FBXW5: variants seen among roughly 807,000 people sequenced by gnomAD.
FBXW5 encodes F-box and WD repeat domain containing 5, also known as F-box/WD repeat-containing protein 5.
A neutral mutation model predicts 50.9 loss-of-function variants in FBXW5; 74 were observed. The observed-to-expected ratio is 1.45, with a 90% CI of 1.20 to 1.76. FBXW5 has a LOEUF of 1.76. FBXW5 is among the 40% of genes most tolerant of loss of function. The pLI is 0.00. For synonymous variants in FBXW5, 523 were observed against 362.2 expected, an observed-to-expected ratio of 1.44 and a Z score of -5.04; for missense variants, 1,073 against 818.8, an observed-to-expected ratio of 1.31 and a Z score of -3.79.
At position 136,940,991 on chromosome 9, in the gene FBXW5, G is replaced by A; in HGVS notation, c.1638C>T (p.Val546=). 1 of 1,557,538 alleles carries A rather than the reference G, an allele frequency of 6.4e-7. No individual in the cohort carries two copies. The highest frequency in any genetic ancestry group is 8.7e-7 in the Non-Finnish European group (1 of 1,150,716). The change falls in exon 9 of 9, where the codon GTC becomes GTT. Residue 546 remains valine, a synonymous_variant. Coordinates refer to ENST00000325285, the MANE Select transcript of FBXW5 (RefSeq NM_018998.4). ...KAWRSPRTMR[V]LQAPRPRPRT... is the part of the protein sequence containing the mutation. ...GAGGCCGTGGGCGAGGTGCCTGGAG[G>A]ACGCGCATGGTGCGTGGGGAGCGCC...
rs1850814569 is a variant in FBXW5 at position 136,942,397 on chromosome 9, CGGTGCT to C, written c.739_744del (p.Ser247_Thr248del). 1.2e-6 allele frequency: 2 copies of C among 1,610,968 alleles called. No individual in the cohort carries two copies. Among genetic ancestry groups the C allele is most frequent in the African/African-American group, 2.7e-5 (2 of 74,898 alleles). On this transcript the variant is annotated inframe_deletion, in exon 6 of 9. Transcript: ENST00000325285. Reference sequence around the variant, plus strand: ...CAGTCGGCCACCATCACCGTGCGGACGGTGCTGGCATTGAGGTTCTGGATCTTGAAC... The same window carrying C: ...CAGTCGGCCACCATCACCGTGCGGACGGCATTGAGGTTCTGGATCTTGAAC...
At chr9:136,941,942 C>G in intron 6 of FBXW5, 104 bp downstream of exon 6, 1 of 1,454,996 alleles carries the variant, frequency 6.9e-7, no homozygotes, top group South Asian at 1.4e-5. Context: ...TGAACGATCC[C>G]AGCTTTGCCT....
Position 136,942,252 on chromosome 9 carries a change from T to TGGGCGG in FBXW5, c.884_889dup (p.Pro295_Ala296dup). 1.9e-6 allele frequency: 3 copies of TGGGCGG among 1,583,420 alleles called. No homozygotes were observed. The highest frequency in any genetic ancestry group is 2.6e-6 in the Non-Finnish European group (3 of 1,166,022). On this transcript the variant is annotated inframe_insertion, in exon 6 of 9. Coordinates refer to ENST00000325285, the MANE Select transcript of FBXW5 (RefSeq NM_018998.4). The stretch of plus-strand genomic sequence containing the variant: ...AAAGTGCCGCAAGCCCTCCTTGGCG[T>TGGGCGG]GGGCGGGGGCCGGGCCAGCCACCAC...
In FBXW5 at chr9:136,941,014, G is replaced by A. The variant is rs368494470; in HGVS notation, c.1615C>T (p.Arg539Cys). The A allele has an allele frequency of 8.4e-6, 13 of 1,553,252 alleles. No individual in the cohort carries two copies. In the Admixed American group the frequency reaches 9.7e-5, roughly 12 times the overall value. Residue 539 changes from arginine (R) to cysteine (C), a missense_variant, in exon 9 of 9, where the codon CGC (arginine) becomes TGC (cysteine). Transcript: ENST00000325285. ...ASDDATIKAW[R>C]SPRTMRVLQA... The stretch of plus-strand genomic sequence containing the variant: ...AGGACGCGCATGGTGCGTGGGGAGC[G>A]CCAGGCTTTGATGGTGGCGTCGTCG...
In FBXW5 at chr9:136,942,878, G is replaced by C. The variant is rs771494126; in HGVS notation, c.417C>G (p.Ser139Arg). Residue 139 changes from serine (S) to arginine (R), a missense_variant, in exon 4 of 9, where the codon AGC becomes AGG. Transcript: ENST00000325285. Reference sequence around the variant, plus strand: ...TGTTGAACTGGGAGAACTGGGTGTAGCTCCAGTTGTAGGGCCGCATGTCCG... The same window carrying C: ...TGTTGAACTGGGAGAACTGGGTGTACCTCCAGTTGTAGGGCCGCATGTCCG... ...HSADMRPYNW[S>R]YTQFSQFNKD... The C allele has an allele frequency of 6.2e-7, 1 of 1,613,462 alleles. No homozygotes were observed. Among genetic ancestry groups the C allele is most frequent in the Non-Finnish European group, 8.5e-7 (1 of 1,179,908 alleles).
At position 136,940,778 on chromosome 9, in the gene FBXW5, G is replaced by GTT; in HGVS notation, c.*148_*149dup. ...CCAAGCATCACAGCTGCGTGAGCAG[G>GTT]TTTGTGTGTGAGCGTGTGGCGGGGC... On this transcript the variant is annotated 3_prime_UTR_variant, in exon 9 of 9. Coordinates refer to ENST00000325285, the MANE Select transcript of FBXW5 (RefSeq NM_018998.4). 1.6e-6 allele frequency: 2 copies of GTT among 1,250,364 alleles called. No homozygotes were observed. The highest frequency in any genetic ancestry group is 2.2e-6 in the Non-Finnish European group (2 of 922,928). The allele number at this position is 1,250,364 out of a possible 1,614,324, so 77.5% of individuals were successfully genotyped here.
chr9:136,943,849 C>T lies in FBXW5; in HGVS notation c.193+42G>A. ...ACCCCCAAGCGCAGGGGCCCGGGGC[C>T]CTGGCTGCAGAACGTGGGTAGGGGC... On this transcript the variant is annotated intron_variant, in intron 2 of 8. Transcript: ENST00000325285. 3.2e-6 allele frequency: 5 copies of T among 1,542,694 alleles called. No individual in the cohort carries two copies. In the South Asian group the frequency reaches 6.0e-5, roughly 18 times the overall value.
In FBXW5 at chr9:136,943,499, C is replaced by T. The variant is rs1182270396; in HGVS notation, c.201G>A (p.Met67Ile). ...GCCGCTGGAACTCCTCGTACCAGGA[C>T]ATGGCCGCTGCGGGTGGGCAGTTGT... is the stretch of plus-strand genomic sequence containing the variant. ...ARDVPRHPAA[M>I]SWYEEFQRLY... Residue 67 changes from methionine to isoleucine, a missense_variant, in exon 3 of 9, where the codon ATG (methionine) becomes ATA (isoleucine). Met to Ile is a conservative substitution (Grantham distance 10). Coordinates refer to ENST00000325285, the MANE Select transcript of FBXW5 (RefSeq NM_018998.4). The T allele has an allele frequency of 5.0e-6, 8 of 1,608,744 alleles. No individual in the cohort carries two copies. The highest frequency in any genetic ancestry group is 2.2e-5 in the East Asian group (1 of 44,750).
Position 136,944,737 on chromosome 9 carries a change from A to C in FBXW5, c.-167T>G. On this transcript the variant is annotated 5_prime_UTR_variant, in exon 1 of 9. Coordinates refer to ENST00000325285, the MANE Select transcript of FBXW5 (RefSeq NM_018998.4). ...ACGAGCCCCGAGGCATCGATGGCCG[A>C]GGAAGGCAGAGCGCGCGGGTAGCCC... is the stretch of plus-strand genomic sequence containing the variant. The C allele has an allele frequency of 1.0e-6, 1 of 985,512 alleles. No homozygotes were observed. Among genetic ancestry groups the C allele is most frequent in the Non-Finnish European group, 1.2e-6 (1 of 829,908 alleles). 61.0% of individuals were successfully genotyped at this position (985,512 alleles called of 1,614,324 possible).
At position 136,942,960 on chromosome 9, in the gene FBXW5, G is replaced by C. The variant is rs1850854072; in HGVS notation, c.352-17C>G. ...GCTCCAGATCTGTTCGGCAGGGGCG[G>C]CTGTAGTGATCGCCTGGCCAGGTCG... On this transcript the variant is annotated splice_polypyrimidine_tract_variant and intron_variant, in intron 3 of 8. Transcript: ENST00000325285. 1.2e-6 allele frequency: 2 copies of C among 1,612,498 alleles called. No individual in the cohort carries two copies. The highest frequency in any genetic ancestry group is 1.3e-5 in the African/African-American group (1 of 74,902).
At chr9:136,943,315 G>GGGT (rs768895125) in intron 3 of FBXW5, 34 bp downstream of exon 3, 7 of 1,602,900 alleles carry the variant, frequency 4.4e-6, no homozygotes, top group Non-Finnish European at 6.0e-6. Context: ...CGGCAGAGCT[G>GGGT]GGTGGGGTGT....
At chr9:136,943,244 A>AT in intron 3 of FBXW5, 105 bp downstream of exon 3, 1 of 727,608 alleles carries the variant, frequency 1.4e-6, no homozygotes, top group Non-Finnish European at 2.1e-6. Context: ...CTCTGGCCTG[A>AT]CCCACCCCCC....
chr9:136,942,384 A>G lies in FBXW5; in HGVS notation c.758T>C (p.Met253Thr). ...NLNASTVRTVMVADCSRFDSP... is the reference protein window; with the variant it reads ...NLNASTVRTVTVADCSRFDSP... ...GTCGAAGCGGCTGCAGTCGGCCACCATCACCGTGCGGACGGTGCTGGCATT... is the reference window on the plus strand; with the variant it reads ...GTCGAAGCGGCTGCAGTCGGCCACCGTCACCGTGCGGACGGTGCTGGCATT... The change falls in exon 6 of 9, where the codon ATG becomes ACG. Residue 253 changes from methionine to threonine, a missense_variant. Physicochemically the swap from Met to Thr is moderately conservative, Grantham distance 81. Coordinates refer to ENST00000325285, the MANE Select transcript of FBXW5 (RefSeq NM_018998.4). The G allele has an allele frequency of 1.2e-6, 2 of 1,611,690 alleles. No homozygotes were observed. The highest frequency in any genetic ancestry group is 1.1e-5 in the South Asian group (1 of 91,024).
rs1369265749 is a variant in FBXW5 at position 136,944,617 on chromosome 9, C to T, written c.-47G>A. ...ACCACGGCCGCCTCCGCCCGCTGCG[C>T]CGCCCCCGCCCTGCGCGACCCGGAC... On this transcript the variant is annotated 5_prime_UTR_variant, in exon 1 of 9. Coordinates refer to ENST00000325285, the MANE Select transcript of FBXW5 (RefSeq NM_018998.4). The T allele has an allele frequency of 1.3e-4, 132 of 984,346 alleles. No individual in the cohort carries two copies. The highest frequency in any genetic ancestry group is 1.5e-4 in the Non-Finnish European group (128 of 829,196). 61.0% of individuals were successfully genotyped at this position (984,346 alleles called of 1,614,324 possible). A position where few individuals can be genotyped will look rare whatever the true frequency, so the allele number is the denominator to read the frequency against.
chr9:136,943,553 T>C (rs754555466), intron 2 of FBXW5, 47 bp from the exon 3 acceptor site: 1 of 1,570,490 alleles, frequency 6.4e-7, no homozygotes, highest in Non-Finnish European at 8.7e-7. Context: ...TTCCTCGCAG[T>C]CACGGCCATG....
At chr9:136,944,355 C>T (rs1261522068) in intron 1 of FBXW5, 2 of 617,548 alleles carry the variant, frequency 3.2e-6, no homozygotes, top group Non-Finnish European at 4.3e-6. Flanking sequence ...CGCCAGGGCC[C>T]GGACCGCCGC....
chr9:136,944,595 A>G lies in FBXW5; in HGVS notation c.-25T>C. ...CCCGAGGGCCGCAGGCGCACTCACC[A>G]CGGCCGCCTCCGCCCGCTGCGCCGC... On this transcript the variant is annotated splice_region_variant and 5_prime_UTR_variant, in exon 1 of 9. Coordinates refer to ENST00000325285, the MANE Select transcript of FBXW5 (RefSeq NM_018998.4). 2 of 984,034 alleles carry G rather than the reference A, an allele frequency of 2.0e-6. No individual in the cohort carries two copies. Among genetic ancestry groups the G allele is most frequent in the Non-Finnish European group, 1.2e-6 (1 of 829,186 alleles). 61.0% of individuals were successfully genotyped at this position (984,034 alleles called of 1,614,324 possible).
chr9:136,943,098 A>G, intron 3 of FBXW5, 155 bp from the exon 4 acceptor site: 2 of 1,257,428 alleles, frequency 1.6e-6, no homozygotes, highest in Non-Finnish European at 2.2e-6. Context: ...CTCGGGGGGC[A>G]TTGGTATAGA....
At chr9:136,944,563 C>T (rs1414129158) in intron 1 of FBXW5, 31 bp downstream of exon 1, 5 of 983,478 alleles carry the variant, frequency 5.1e-6, no homozygotes, top group Non-Finnish European at 6.0e-6. Flanking sequence ...GACGACAAGG[C>T]GGGACCCCCG....
Sources: allele counts gnomAD v4.1 joint callset, GRCh38; gene constraint gnomAD v4.1.1; transcripts MANE v1.5; gene names NCBI Gene and HGNC (gene_info 2026-07-23, HGNC 2026-07-21).